The following TRIP12 variants were observed in gnomAD, a reference collection of about 807,000 sequenced individuals.
TRIP12 encodes the protein E3 ubiquitin-protein ligase TRIP12.
A neutral mutation model predicts 244.2 loss-of-function variants in TRIP12; 25 were observed. That is an observed-to-expected ratio of 0.10 (90% CI 0.07 to 0.14). The LOEUF is 0.14. Among genes scored for constraint, TRIP12 ranks in the 10% least tolerant of loss-of-function variants. TRIP12 has a pLI of 1.00. For missense variants in TRIP12, 1,677 were observed against 2,486.4 expected, an observed-to-expected ratio of 0.67 and a Z score of 6.92; for synonymous variants, 905 against 873.1, an observed-to-expected ratio of 1.04 and a Z score of -0.64.
chr2:229,880,188 A>G, intron 1 of TRIP12, 60 bp from the exon 2 acceptor site: 1 of 1,061,802 alleles, frequency 9.4e-7, no homozygotes, highest in Non-Finnish European at 1.4e-6. Flanking sequence ...ATGGAAAAGA[A>G]ATGAGGGGAA....
At chr2:229,770,887 A>G (rs774259024) in intron 39 of TRIP12, among the ~76,000 whole-genome samples, 8 of 152,140 alleles carry the variant, frequency 5.3e-5, no homozygotes, top group Non-Finnish European at 1.2e-4. Context: ...ACCTTCCACC[A>G]TGATTGTGAG....
chr2:229,875,400 G>T (rs931677064), intron 2 of TRIP12, among the ~76,000 whole-genome samples: 5 of 152,188 alleles, frequency 3.3e-5, no homozygotes, highest in African/African-American at 1.2e-4. Flanking sequence ...AAAAAACAGA[G>T]TGGGTCAAAA....
chr2:229,796,160 C>T (rs957837830), intron 25 of TRIP12, among the ~76,000 whole-genome samples: 2 of 152,162 alleles, frequency 1.3e-5, no homozygotes, highest in Non-Finnish European at 2.9e-5. Context: ...GGTCATTAAG[C>T]GCCCTTGATT....
chr2:229,795,016 G>T, intron 26 of TRIP12, 163 bp downstream of exon 26: 2 of 689,354 alleles, frequency 2.9e-6, no homozygotes, highest in Non-Finnish European at 4.5e-6. Flanking sequence ...TTAAAGATAA[G>T]AAAGCATTTG....
chr2:229,828,489 A>G (rs990904663), intron 8 of TRIP12, among the ~76,000 whole-genome samples: 12 of 152,132 alleles, frequency 7.9e-5, no homozygotes, highest in Non-Finnish European at 7.4e-5. Flanking sequence ...TCAAGGAAAC[A>G]GGCCGGGCAC....
rs199831120 is a variant in TRIP12 at position 229,858,975 on chromosome 2, C to T, written c.824G>A (p.Arg275His). The T allele has an allele frequency of 1.8e-5, 29 of 1,614,192 alleles. No individual in the cohort carries two copies. The highest frequency in any genetic ancestry group is 4.0e-5 in the African/African-American group (3 of 75,024). ...KQGKDQNKAR[R>H]SRSASSPSPR... ...GCTGGGACTGGACGCTGAACGGGAACGCCTGGCCTTGTTCTGATCTTTTCC... is the reference window on the plus strand; with the variant it reads ...GCTGGGACTGGACGCTGAACGGGAATGCCTGGCCTTGTTCTGATCTTTTCC... Residue 275 changes from arginine to histidine, a missense_variant, in exon 4 of 42, where the codon CGT becomes CAT. Arg to His is a conservative substitution (Grantham distance 29). Coordinates refer to ENST00000675903, the MANE Select transcript of TRIP12 (RefSeq NM_001348323.3).
At chr2:229,893,215 T>C (rs2067828608) in intron 1 of TRIP12, among the ~76,000 whole-genome samples, 1 of 152,212 alleles carries the variant, frequency 6.6e-6, no homozygotes, top group African/African-American at 2.4e-5. Context: ...CAACTATCCA[T>C]CCTATTTTTT....
intron 2 of TRIP12, among the ~76,000 whole-genome samples, chr2:229,870,085 G>T (rs550464431): frequency 6.6e-6 from 1 of 152,268 alleles, no homozygotes; most frequent in Non-Finnish European, 1.5e-5. Context: ...AAAGGTTAAG[G>T]AATAGCTAAC....
intron 1 of TRIP12, among the ~76,000 whole-genome samples, chr2:229,895,038 A>G (rs79987430): frequency 0.015 from 2,341 of 152,356 alleles, 67 homozygotes; most frequent in African/African-American, 0.053. Flanking sequence ...ACAAGGCATC[A>G]TGAATAAAAA....
chr2:229,779,761 G>C (rs1422711062), intron 34 of TRIP12, among the ~76,000 whole-genome samples: 8 of 152,110 alleles, frequency 5.3e-5, no homozygotes, highest in Admixed American at 1.3e-4. Context: ...CTTAGAGCCT[G>C]GGCACTGGTA....
rs1159346137 is a variant in TRIP12, at chr2:229,804,098, G to A, written c.2780C>T (p.Pro927Leu). The A allele has an allele frequency of 4.3e-6, 7 of 1,613,966 alleles. No individual in the cohort carries two copies. The highest frequency in any genetic ancestry group is 5.9e-6 in the Non-Finnish European group (7 of 1,180,008). ...LYEVYSSSAG[P>L]AVRHKCLRAI... ...TCTAAGGCACTTATGTCTGACCGCA[G>A]GTCCTGCTGAGGAACTATACACTTC... Residue 927 changes from proline to leucine, a missense_variant, in exon 19 of 42, where the codon CCT becomes CTT. By Grantham distance (98) the Pro-to-Leu change is moderately conservative (BLOSUM62 -3). Transcript: ENST00000675903.
chr2:229,791,732 C>G, intron 29 of TRIP12, 134 bp downstream of exon 29: 1 of 896,648 alleles, frequency 1.1e-6, no homozygotes, highest in South Asian at 1.7e-5. Context: ...TTGAAATCGT[C>G]TTTCAGAACT....
chr2:229,897,553 C>T (rs898473822), intron 1 of TRIP12, among the ~76,000 whole-genome samples: 14 of 152,210 alleles, frequency 9.2e-5, no homozygotes, highest in Admixed American at 5.9e-4. Flanking sequence ...GAGGCTGAGG[C>T]AGGAGAATCG....
chr2:229,831,281 C>A, intron 6 of TRIP12: 1 of 615,998 alleles, frequency 1.6e-6, no homozygotes, highest in South Asian at 2.0e-5. Context: ...CCTTCTAAGT[C>A]TGCTTTATTT....
intron 1 of TRIP12, among the ~76,000 whole-genome samples, chr2:229,892,749 C>A (rs2067682365): frequency 6.6e-6 from 1 of 151,968 alleles, no homozygotes; most frequent in Non-Finnish European, 1.5e-5. Context: ...ATCTCTAGTC[C>A]CAGCGACTTT....
chr2:229,809,960 A>G (rs2046861723), intron 15 of TRIP12, among the ~76,000 whole-genome samples: 1 of 150,500 alleles, frequency 6.6e-6, no homozygotes, highest in South Asian at 2.1e-4. Context: ...ATCAGTTAAT[A>G]TCATCACTGA....
rs2049052796 is a variant in TRIP12 at position 229,818,476 on chromosome 2, G to T, written c.1487C>A (p.Ala496Asp). 1 of 1,614,082 alleles carries T rather than the reference G, an allele frequency of 6.2e-7. No homozygotes were observed. The change falls in exon 9 of 42, where the codon GCC (alanine) becomes GAC (aspartate). Residue 496 changes from alanine (A) to aspartate (D), a missense_variant. By Grantham distance (126) the Ala-to-Asp change is moderately radical (BLOSUM62 -2). Transcript: ENST00000675903. ...CTGAAGCTGTTGACTTTCATCACTG[G>T]CTTGCAATCCTTGTAGTAGCTGCTG... is the stretch of plus-strand genomic sequence containing the variant. ...KAQQLLQGLQ[A>D]SDESQQLQAV...
intron 38 of TRIP12, among the ~76,000 whole-genome samples, chr2:229,773,167 C>G (rs985176149): frequency 2.0e-5 from 3 of 151,922 alleles, no homozygotes; most frequent in African/African-American, 7.3e-5. Context: ...CCTCCACCTC[C>G]CTGGTTCAAG....
At chr2:229,871,188 G>GGAGGA in intron 2 of TRIP12, among the ~76,000 whole-genome samples, 1 of 148,202 alleles carries the variant, frequency 6.7e-6, no homozygotes, top group Non-Finnish European at 1.5e-5. Flanking sequence ...AGAAGAGAGG[G>GGAGGA]GAGGAGAGGG....
Sources: allele counts gnomAD v4.1 joint callset (sites outside exome capture counted in the v4.1 genomes callset), GRCh38; gene constraint gnomAD v4.1.1; transcripts MANE v1.5; gene names NCBI Gene and HGNC (gene_info 2026-07-23, HGNC 2026-07-21).